PREX2: variants seen among roughly 807,000 people sequenced by gnomAD.
PREX2 encodes the protein phosphatidylinositol 3,4,5-trisphosphate-dependent Rac exchanger 2 protein.
In PREX2, 107 loss-of-function variants were observed where a neutral mutation model predicts 203.2. That is an observed-to-expected ratio of 0.53 (90% CI 0.45 to 0.62). The LOEUF is 0.62. Ranked by LOEUF, PREX2 falls within the 20% of genes least tolerant of loss-of-function variation. The pLI, the probability that PREX2 is intolerant of heterozygous loss-of-function variation, is 0.00. For synonymous variants in PREX2, 672 were observed against 663.6 expected (o/e 1.01, Z -0.19); for missense variants, 1,777 against 1,955.9 (o/e 0.91, Z 1.72).
intron 1 of PREX2, among the ~76,000 whole-genome samples, chr8:67,995,622 A>G (rs1474454379): frequency 1.3e-5 from 2 of 152,148 alleles, no homozygotes; most frequent in Non-Finnish European, 1.5e-5. Flanking sequence ...TTACTTCATC[A>G]TTTTTAACTG....
chr8:67,957,875 T>C (rs916852004), intron 1 of PREX2, among the ~76,000 whole-genome samples: 8 of 152,192 alleles, frequency 5.3e-5, no homozygotes, highest in Non-Finnish European at 1.2e-4. Context: ...AGATAGGGCC[T>C]TTAAATAGGT....
At chr8:68,125,069 AG>A (rs1810861055) in intron 30 of PREX2, among the ~76,000 whole-genome samples, 1 of 152,082 alleles carries the variant, frequency 6.6e-6, no homozygotes, top group Admixed American at 6.6e-5. Flanking sequence ...TGCAAGCGAG[AG>A]GGCATGCTAC....
intron 7 of PREX2, among the ~76,000 whole-genome samples, chr8:68,042,997 A>G (rs774531987): frequency 2.7e-4 from 41 of 152,102 alleles, no homozygotes; most frequent in Admixed American, 2.6e-4. Context: ...AGTCTTTTCA[A>G]TATGATTGGT....
intron 7 of PREX2, 72 bp from the exon 8 acceptor site, chr8:68,044,415 T>G (rs1808283070): frequency 2.7e-6 from 3 of 1,108,460 alleles, no homozygotes; most frequent in Non-Finnish European, 4.1e-6. Flanking sequence ...AAGAATTGCC[T>G]AAAATATATT....
intron 34 of PREX2, among the ~76,000 whole-genome samples, chr8:68,147,787 T>C (rs1056891932): frequency 6.6e-6 from 1 of 152,152 alleles, no homozygotes; most frequent in Non-Finnish European, 1.5e-5. Flanking sequence ...GAAGAGATGA[T>C]TTTAGGAGTT....
chr8:68,087,411 C>T (rs1809725332), intron 18 of PREX2, among the ~76,000 whole-genome samples: 1 of 152,128 alleles, frequency 6.6e-6, no homozygotes, highest in South Asian at 2.1e-4. Context: ...CCTGTAGTCC[C>T]AGCCACTTGG....
chr8:67,996,435 C>G (rs1483156640), intron 1 of PREX2, among the ~76,000 whole-genome samples: 1 of 152,030 alleles, frequency 6.6e-6, no homozygotes, highest in East Asian at 1.9e-4. Flanking sequence ...CTCAAGTGAT[C>G]CTCCTGCCTT....
At chr8:67,996,474 A>G (rs2129609612) in intron 1 of PREX2, among the ~76,000 whole-genome samples, 1 of 152,168 alleles carries the variant, frequency 6.6e-6, no homozygotes, top group Admixed American at 6.5e-5. Context: ...TATTATAGGC[A>G]TGAGCCACCA....
At chr8:68,209,318 T>C (rs1442049023) in intron 37 of PREX2, among the ~76,000 whole-genome samples, 1 of 152,184 alleles carries the variant, frequency 6.6e-6, no homozygotes, top group East Asian at 1.9e-4. Flanking sequence ...ATAACTTGTT[T>C]GCTATAGTCA....
At chr8:68,211,268 A>G (rs1276523983) in intron 37 of PREX2, among the ~76,000 whole-genome samples, 2 of 152,250 alleles carry the variant, frequency 1.3e-5, no homozygotes, top group Non-Finnish European at 2.9e-5. Flanking sequence ...TTTATAAAAC[A>G]AATATTGGCA....
intron 23 of PREX2, among the ~76,000 whole-genome samples, chr8:68,102,604 A>G (rs1039785396): frequency 2.6e-5 from 4 of 152,350 alleles, no homozygotes; most frequent in African/African-American, 2.4e-5. Context: ...CTTTAAAACT[A>G]TTATTAGCAA....
chr8:68,231,220 T>G, intron 39 of PREX2, 113 bp from the exon 40 acceptor site: 1 of 709,344 alleles, frequency 1.4e-6, no homozygotes, highest in Non-Finnish European at 2.1e-6. Flanking sequence ...GACAATCCGA[T>G]CATGACTCAC....
At position 68,236,453 on chromosome 8, in the gene PREX2, T is replaced by C. The variant is rs529100791; in HGVS notation, c.*5075T>C. 1 of 152,296 alleles carries C rather than the reference T, an allele frequency of 6.6e-6. No individual in the cohort carries two copies. The highest frequency in any genetic ancestry group is 2.4e-5 in the African/African-American group (1 of 41,576). The allele number at this position is 152,296 out of a possible 1,614,324, so 9.4% of individuals were successfully genotyped here. A position where few individuals can be genotyped will look rare whatever the true frequency, so the allele number is the denominator to read the frequency against. ...ACCTTCGTGGTGTCTCTGTGTGTTA[T>C]TGATCATCTGTGTCTTTTGCTTAAA... On this transcript the variant is annotated 3_prime_UTR_variant, in exon 40 of 40. Coordinates refer to ENST00000288368, the MANE Select transcript of PREX2 (RefSeq NM_024870.4).
chr8:68,008,372 C>A (rs1015384305), intron 1 of PREX2, among the ~76,000 whole-genome samples: 4 of 151,994 alleles, frequency 2.6e-5, no homozygotes, highest in Non-Finnish European at 1.5e-5. Flanking sequence ...GGAAAGGAAA[C>A]AAATTGCAGA....
At chr8:68,048,004 T>A (rs78004667) in intron 8 of PREX2, among the ~76,000 whole-genome samples, 2,264 of 152,198 alleles carry the variant, frequency 0.015, 47 homozygotes, top group African/African-American at 0.051. Context: ...ATTTAAATGA[T>A]GGTATGATGT....
Position 68,022,051 on chromosome 8 carries a change from A to G in PREX2, c.352A>G (p.Ile118Val), listed in dbSNP as rs766634926. The change falls in exon 4 of 40, where the codon ATC becomes GTC. Residue 118 changes from isoleucine (I) to valine (V), a missense_variant. Physicochemically the swap from Ile to Val is conservative, Grantham distance 29 (BLOSUM62 3). Coordinates refer to ENST00000288368, the MANE Select transcript of PREX2 (RefSeq NM_024870.4). Reference sequence around the variant, plus strand: ...GAATTCACAGAAAGACAAGTTTCGTATCTATGATGAATATTGTAGTAACCA... The same window carrying G: ...GAATTCACAGAAAGACAAGTTTCGTGTCTATGATGAATATTGTAGTAACCA... ...CFLHFKDKFRIYDEYCSNHEK... is the reference protein window; with the variant it reads ...CFLHFKDKFRVYDEYCSNHEK... The G allele has an allele frequency of 2.7e-6, 4 of 1,487,034 alleles. No homozygotes were observed. The highest frequency in any genetic ancestry group is 3.8e-6 in the Non-Finnish European group (4 of 1,064,940). 92.1% of individuals were successfully genotyped at this position (1,487,034 alleles called of 1,614,324 possible). A position where few individuals can be genotyped will look rare whatever the true frequency, so the allele number is the denominator to read the frequency against.
intron 1 of PREX2, 135 bp downstream of exon 1, chr8:67,952,670 C>A: frequency 8.0e-7 from 1 of 1,244,624 alleles, no homozygotes; most frequent in Admixed American, 2.0e-5. Flanking sequence ...GCGCGGGAAT[C>A]CACGTGTGGA....
intron 18 of PREX2, among the ~76,000 whole-genome samples, chr8:68,085,023 CTCT>C (rs1809638823): frequency 6.6e-6 from 1 of 152,278 alleles, no homozygotes; most frequent in Non-Finnish European, 1.5e-5. Flanking sequence ...TGTCTTCTGA[CTCT>C]TCTTAGTGTT....
At chr8:68,196,443 TA>T (rs1285736651) in intron 37 of PREX2, among the ~76,000 whole-genome samples, 5 of 147,372 alleles carry the variant, frequency 3.4e-5, no homozygotes, top group African/African-American at 1.2e-4. Context: ...TATTTTTTTA[TA>T]TATTTAATAA....
Sources: gnomAD v4.1 joint callset for allele counts (sites outside exome capture counted in the v4.1 genomes callset) on GRCh38, gnomAD v4.1.1 for gene constraint, MANE v1.5 for transcripts, NCBI Gene and HGNC (gene_info 2026-07-23, HGNC 2026-07-21) for gene names.